The following PAK2 variants were observed in gnomAD, a reference collection of about 807,000 sequenced individuals.
PAK2 encodes the protein serine/threonine-protein kinase PAK 2.
In PAK2, 21 loss-of-function variants were observed where a neutral mutation model predicts 65.9. That is an observed-to-expected ratio of 0.32 (90% confidence interval 0.23 to 0.46). The LOEUF (loss-of-function observed/expected upper bound fraction) is 0.46. PAK2 is among the 20% of genes least tolerant of loss of function. The probability of loss-of-function intolerance (pLI) is 1.00; values close to 1 mark genes in which losing one functional copy is unlikely to be tolerated. For missense variants in PAK2, 324 were observed against 642.6 expected, an observed-to-expected ratio of 0.50 and a Z score of 5.36; for synonymous variants, 204 against 219.7, an observed-to-expected ratio of 0.93 and a Z score of 0.63.
chr3:196,797,177 A>G (rs1715283800), intron 2 of PAK2, among the ~76,000 whole-genome samples: 1 of 152,154 alleles, frequency 6.6e-6, no homozygotes, highest in Admixed American at 6.6e-5. Flanking sequence ...AATTCTCAAA[A>G]ATGTTGGCCA....
At chr3:196,798,750 T>C (rs1715334481) in intron 2 of PAK2, among the ~76,000 whole-genome samples, 1 of 152,182 alleles carries the variant, frequency 6.6e-6, no homozygotes, top group Non-Finnish European at 1.5e-5. Flanking sequence ...TGAAAATCGA[T>C]GGATGTTATT....
chr3:196,742,102 T>TTC (rs1211398458), intron 1 of PAK2, among the ~76,000 whole-genome samples: 14 of 149,108 alleles, frequency 9.4e-5, no homozygotes, highest in African/African-American at 3.2e-4. Context: ...AATATTTCTT[T>TTC]TTTTTTTTTT....
intron 2 of PAK2, among the ~76,000 whole-genome samples, chr3:196,799,458 G>A (rs13097643): frequency 0.76 from 116,265 of 151,986 alleles, 44,667 homozygotes; most frequent in Non-Finnish European, 0.79. Flanking sequence ...GGCGACGCGA[G>A]TGCTCACGGA....
At position 196,820,316 on chromosome 3, in the gene PAK2, C is replaced by G; in HGVS notation, c.1154-55C>G. 9.7e-7 allele frequency: 1 copy of G among 1,028,342 alleles called. No homozygotes were observed. The highest frequency in any genetic ancestry group is 1.4e-6 in the Non-Finnish European group (1 of 714,650). The allele number at this position is 1,028,342 out of a possible 1,614,324, so 63.7% of individuals were successfully genotyped here. A position where few individuals can be genotyped will look rare whatever the true frequency, so the allele number is the denominator to read the frequency against. Reference sequence around the variant, plus strand: ...TTAATTACATAATCTGAAGTGAACTCTTCTGCTAAAACCATCCATGGAAGC... The same window carrying G: ...TTAATTACATAATCTGAAGTGAACTGTTCTGCTAAAACCATCCATGGAAGC... On this transcript the variant is annotated intron_variant, in intron 12 of 14. Transcript: ENST00000327134. This position sits in a 1 kb window ranked among gnomAD's most constrained non-coding sequence, Gnocchi z 4.6.
chr3:196,746,811 A>AT (rs1169653634), intron 1 of PAK2, among the ~76,000 whole-genome samples: 1 of 92,878 alleles, frequency 1.1e-5, no homozygotes, highest in Non-Finnish European at 2.3e-5. Flanking sequence ...ACTCTGTCTC[A>AT]TTAAAAAAAA....
intron 11 of PAK2, 152 bp from the exon 12 acceptor site, chr3:196,817,905 A>T (rs191973836): frequency 2.0e-4 from 92 of 467,064 alleles, no homozygotes; most frequent in African/African-American, 1.5e-3. Flanking sequence ...ATAACTTTGT[A>T]TATAAGAGAG....
intron 13 of PAK2, among the ~76,000 whole-genome samples, chr3:196,825,369 T>C (rs1357881290): frequency 1.5e-5 from 2 of 132,650 alleles, no homozygotes; most frequent in Admixed American, 7.7e-5. Context: ...ATAGGCCAGA[T>C]GCAGTGGCTC....
intron 4 of PAK2, 65 bp from the exon 5 acceptor site, chr3:196,805,287 T>G: frequency 1.2e-6 from 1 of 817,402 alleles, no homozygotes; most frequent in Non-Finnish European, 2.0e-6. Context: ...CTTTTTTTTT[T>G]TCCTTTTATC....
Position 196,807,992 on chromosome 3 carries a change from A to G in PAK2, c.709+78A>G, listed in dbSNP as rs1009710246. ...ATTTGGCCCAGATGGATTTTAACTTACACTTTACATTGTGACTTAAAGTAT... is the reference window on the plus strand; with the variant it reads ...ATTTGGCCCAGATGGATTTTAACTTGCACTTTACATTGTGACTTAAAGTAT... On this transcript the variant is annotated intron_variant, in intron 7 of 14. Coordinates refer to ENST00000327134, the MANE Select transcript of PAK2 (RefSeq NM_002577.4). The G allele has an allele frequency of 1.2e-4, 171 of 1,398,980 alleles. 1 individual carries two copies. The highest frequency in any genetic ancestry group is 1.6e-4 in the Non-Finnish European group (161 of 1,016,146). 86.7% of individuals were successfully genotyped at this position (1,398,980 alleles called of 1,614,324 possible).
chr3:196,778,355 T>A (rs1798632), intron 1 of PAK2, among the ~76,000 whole-genome samples: 1 of 152,262 alleles, frequency 6.6e-6, no homozygotes, highest in Non-Finnish European at 1.5e-5. Context: ...TGAACATTCA[T>A]ACAAAGTTTT....
rs545827145 is a variant in PAK2 at position 196,825,310 on chromosome 3, C to T, written c.1351-1886C>T. Among the ~76,000 whole-genome samples, 7 of 151,648 alleles carry T rather than the reference C, an allele frequency of 4.6e-5. No homozygotes were observed. In the South Asian group the frequency reaches 1.5e-3, roughly 32 times the overall value. On this transcript the variant is annotated intron_variant, in intron 13 of 14. Transcript: ENST00000327134. ...GCCATGTGTTGAGATCATGCCACTG[C>T]ATTCCAGCCTGGGCAACAGAGCGAG...
intron 1 of PAK2, among the ~76,000 whole-genome samples, chr3:196,761,143 C>A (rs550674594): frequency 9.5e-4 from 56 of 58,770 alleles, no homozygotes; most frequent in Admixed American, 6.8e-3. Context: ...GCAGGAGAAC[C>A]GCTTTTTTTT....
At chr3:196,794,572 G>A (rs1201113178) in intron 2 of PAK2, among the ~76,000 whole-genome samples, 1 of 152,190 alleles carries the variant, frequency 6.6e-6, no homozygotes, top group African/African-American at 2.4e-5. Flanking sequence ...CACCATCTTG[G>A]GTTCCCTGGC....
chr3:196,804,844 T>C (rs375770395), intron 4 of PAK2, among the ~76,000 whole-genome samples: 1,692 of 113,650 alleles, frequency 0.015, 24 homozygotes, highest in African/African-American at 0.05. Flanking sequence ...TATATATATA[T>C]ACACACACAC....
Position 196,808,523 on chromosome 3 carries a change from T to C in PAK2, c.709+609T>C, listed in dbSNP as rs144643594. ...TTATAGTGAGCCGAGATCGCGCCAC[T>C]GCACTCCAGCCTGGCAACAGTGAGA... is the stretch of plus-strand genomic sequence containing the variant. On this transcript the variant is annotated intron_variant, in intron 7 of 14. Coordinates refer to ENST00000327134, the MANE Select transcript of PAK2 (RefSeq NM_002577.4). Among the ~76,000 whole-genome samples, 1,304 of 132,932 alleles carry C rather than the reference T, an allele frequency of 9.8e-3. 8 individuals are homozygous for C. The highest frequency in any genetic ancestry group is 0.031 in the South Asian group (123 of 4,008). 87.2% of individuals were successfully genotyped at this position (132,932 alleles called of 152,430 possible). A position where few individuals can be genotyped will look rare whatever the true frequency, so the allele number is the denominator to read the frequency against.
chr3:196,760,145 T>A (rs1363603076), intron 1 of PAK2, among the ~76,000 whole-genome samples: 3 of 152,184 alleles, frequency 2.0e-5, no homozygotes, highest in Non-Finnish European at 4.4e-5. Flanking sequence ...AGACAGGGTC[T>A]TCTATATTGT....
chr3:196,794,249 A>G (rs1316751172), intron 2 of PAK2, among the ~76,000 whole-genome samples: 1 of 152,242 alleles, frequency 6.6e-6, no homozygotes, highest in Non-Finnish European at 1.5e-5. Context: ...TGGAGGACAT[A>G]GTGACTTCTA....
intron 13 of PAK2, among the ~76,000 whole-genome samples, chr3:196,822,607 G>A (rs987395079): frequency 3.3e-5 from 5 of 152,116 alleles, no homozygotes; most frequent in Admixed American, 6.5e-5. Flanking sequence ...GCCCCAGTGC[G>A]TGGGTCACTT....
chr3:196,770,784 G>A (rs1053726545), intron 1 of PAK2, among the ~76,000 whole-genome samples: 2 of 151,668 alleles, frequency 1.3e-5, no homozygotes, highest in South Asian at 2.1e-4. Context: ...CACCACGCCC[G>A]ACTAATTTTT....
Sources: gnomAD v4.1 joint callset for allele counts (sites outside exome capture counted in the v4.1 genomes callset) on GRCh38, gnomAD v4.1.1 for gene constraint, Gnocchi (gnomAD v3.1) non-coding constraint, MANE v1.5 for transcripts, NCBI Gene and HGNC (gene_info 2026-07-23, HGNC 2026-07-21) for gene names.